Variants in DIS3L2 observed in about 807,000 individuals in gnomAD.
DIS3L2 encodes DIS3 like 3'-5' exoribonuclease 2.
In DIS3L2, 34 loss-of-function variants were observed where a neutral mutation model predicts 97.5. That is an observed-to-expected ratio of 0.35 (90% CI 0.27 to 0.46). DIS3L2 has a LOEUF of 0.46. Ranked by LOEUF, DIS3L2 falls within the 20% of genes least tolerant of loss-of-function variation. DIS3L2 has a pLI of 1.00. For missense variants in DIS3L2, 1,038 were observed against 1,146.0 expected (o/e 0.91, Z 1.36); for synonymous variants, 435 against 445.2 (o/e 0.98, Z 0.29).
chr2:232,186,361 A>G (rs965471734), intron 9 of DIS3L2, among the ~76,000 whole-genome samples: 1 of 152,254 alleles, frequency 6.6e-6, no homozygotes, highest in Non-Finnish European at 1.5e-5. Context: ...ACCATGTCAC[A>G]TAGACAATCT....
chr2:232,063,508 T>C (rs1198356085), intron 5 of DIS3L2, among the ~76,000 whole-genome samples: 1 of 152,210 alleles, frequency 6.6e-6, no homozygotes, highest in East Asian at 1.9e-4. Context: ...CTTCAGAAGC[T>C]TCCAGCTGCA....
chr2:232,110,491 C>T (rs1043836003), intron 6 of DIS3L2, among the ~76,000 whole-genome samples: 2 of 152,174 alleles, frequency 1.3e-5, no homozygotes, highest in African/African-American at 4.8e-5. Flanking sequence ...GGTACATACA[C>T]ACATTTTCTA....
chr2:232,182,647 G>A (rs1691323642), intron 9 of DIS3L2, among the ~76,000 whole-genome samples: 3 of 152,060 alleles, frequency 2.0e-5, no homozygotes, highest in Non-Finnish European at 2.9e-5. Context: ...GATGGATTGA[G>A]CCTATCATTG....
intron 5 of DIS3L2, among the ~76,000 whole-genome samples, chr2:232,058,388 G>C (rs1559582536): frequency 6.6e-6 from 1 of 152,160 alleles, no homozygotes; most frequent in South Asian, 2.1e-4. Context: ...AAGCATTTTG[G>C]TAGTGGTTAT....
intron 10 of DIS3L2, among the ~76,000 whole-genome samples, chr2:232,236,745 T>C (rs1692943731): frequency 6.6e-6 from 1 of 152,140 alleles, no homozygotes; most frequent in South Asian, 2.1e-4. Context: ...TGTATACTTA[T>C]TTTATTTTAT....
At chr2:231,962,384 C>T (rs1692586343) in intron 1 of DIS3L2, among the ~76,000 whole-genome samples, 1 of 151,788 alleles carries the variant, frequency 6.6e-6, no homozygotes, top group African/African-American at 2.4e-5. Flanking sequence ...GTTTTTCAAC[C>T]CACATCCCCC....
At chr2:232,132,324 A>G (rs1698243405) in intron 7 of DIS3L2, among the ~76,000 whole-genome samples, 1 of 152,222 alleles carries the variant, frequency 6.6e-6, no homozygotes, top group Non-Finnish European at 1.5e-5. Context: ...ATGTCAGCCT[A>G]CTTTATACGT....
intron 5 of DIS3L2, among the ~76,000 whole-genome samples, chr2:232,074,718 G>A (rs1438166379): frequency 6.6e-6 from 1 of 151,890 alleles, no homozygotes; most frequent in Admixed American, 6.6e-5. Context: ...CCGAGTAGCT[G>A]GGACCACAGG....
chr2:232,009,535 A>G (rs1694140158), intron 1 of DIS3L2, among the ~76,000 whole-genome samples: 1 of 152,160 alleles, frequency 6.6e-6, no homozygotes, highest in Non-Finnish European at 1.5e-5. Flanking sequence ...TGGTCAGCCT[A>G]TGATTGGTCA....
rs1170188523 is a variant in DIS3L2, at chr2:232,014,957, C to T, written c.30C>T (p.Leu10=). 5 of 1,614,034 alleles carry T rather than the reference C, an allele frequency of 3.1e-6. No individual in the cohort carries two copies. Among genetic ancestry groups the T allele is most frequent in the Non-Finnish European group, 4.2e-6 (5 of 1,179,962 alleles). The part of the protein sequence containing the change: MSHPDYRMN[L]RPLGTPRGVS... ...GCCATCCTGACTACAGAATGAACCT[C>T]CGGCCCCTGGGGACCCCCAGAGGTA... The change falls in exon 2 of 21, where the codon CTC becomes CTT. Residue 10 remains leucine, a synonymous_variant. Transcript: ENST00000325385.
chr2:232,017,122 CTCTGT>C (rs1315057967), intron 3 of DIS3L2, among the ~76,000 whole-genome samples: 2 of 152,118 alleles, frequency 1.3e-5, no homozygotes, highest in Non-Finnish European at 2.9e-5. Context: ...GAAAGTCTCA[CTCTGT>C]TGCCCAGGCT....
chr2:232,140,382 G>T (rs1292961394), intron 8 of DIS3L2, among the ~76,000 whole-genome samples: 1 of 152,148 alleles, frequency 6.6e-6, no homozygotes, highest in African/African-American at 2.4e-5. Flanking sequence ...TTTGCTAGCT[G>T]GTCAGATGAG....
chr2:232,175,791 G>C (rs554061400), intron 9 of DIS3L2, among the ~76,000 whole-genome samples: 1 of 151,756 alleles, frequency 6.6e-6, no homozygotes, highest in Non-Finnish European at 1.5e-5. Flanking sequence ...GTCGGCGATG[G>C]GTGGGGGGGT....
At chr2:232,078,291 G>A (rs1188467805) in intron 5 of DIS3L2, among the ~76,000 whole-genome samples, 1 of 152,038 alleles carries the variant, frequency 6.6e-6, no homozygotes, top group Non-Finnish European at 1.5e-5. Context: ...TCATCCACCC[G>A]CCTTGGCCTT....
At chr2:232,201,896 T>C (rs1292216264) in intron 9 of DIS3L2, among the ~76,000 whole-genome samples, 1 of 152,208 alleles carries the variant, frequency 6.6e-6, no homozygotes, top group African/African-American at 2.4e-5. Flanking sequence ...TTGATGAATC[T>C]TGATGAAGGG....
At chr2:232,044,697 G>C (rs958616928) in intron 5 of DIS3L2, among the ~76,000 whole-genome samples, 3 of 152,140 alleles carry the variant, frequency 2.0e-5, no homozygotes, top group Admixed American at 6.5e-5. Context: ...ATTTTATAGA[G>C]AGATAAAAGA....
chr2:232,176,803 A>G (rs931451202), intron 9 of DIS3L2, among the ~76,000 whole-genome samples: 5 of 149,600 alleles, frequency 3.3e-5, no homozygotes, highest in African/African-American at 1.2e-4. Flanking sequence ...ATTTATTATT[A>G]TTATTATTTT....
chr2:232,245,101 G>A (rs1326732743), intron 11 of DIS3L2, among the ~76,000 whole-genome samples: 1 of 152,194 alleles, frequency 6.6e-6, no homozygotes, highest in Non-Finnish European at 1.5e-5. Flanking sequence ...TGGGGAAAAG[G>A]ATCAAGGGGT....
intron 1 of DIS3L2, among the ~76,000 whole-genome samples, chr2:231,987,153 A>G (rs1333278230): frequency 6.6e-6 from 1 of 152,226 alleles, no homozygotes; most frequent in East Asian, 1.9e-4. Context: ...CTTCCAGGAC[A>G]TTCTTCAGGG....
Sources: gnomAD v4.1 joint callset for allele counts (sites outside exome capture counted in the v4.1 genomes callset) on GRCh38, gnomAD v4.1.1 for gene constraint, MANE v1.5 for transcripts, NCBI Gene and HGNC (gene_info 2026-07-23, HGNC 2026-07-21) for gene names.